The following ADAM28 variants were observed in gnomAD, a reference collection of about 807,000 sequenced individuals.
The protein encoded by ADAM28 is disintegrin and metalloproteinase domain-containing protein 28.
A neutral mutation model predicts 101.2 loss-of-function variants in ADAM28; 105 were observed. The observed-to-expected ratio is 1.04, with a 90% CI of 0.89 to 1.22. The LOEUF is 1.22. ADAM28 is among the 50% of genes most tolerant of loss of function. The probability of loss-of-function intolerance (pLI) is 0.00; values close to 1 mark genes in which losing one functional copy is unlikely to be tolerated. For synonymous variants in ADAM28, 322 were observed against 310.6 expected (o/e 1.04, Z -0.39); for missense variants, 1,028 against 945.4 (o/e 1.09, Z -1.15).
intron 7 of ADAM28, 128 bp from the exon 8 acceptor site, chr8:24,321,090 T>G (rs1409486305): frequency 5.0e-6 from 3 of 601,316 alleles, no homozygotes; most frequent in Non-Finnish European, 8.7e-6. Context: ...TTCTAACTTT[T>G]AATTAAATCT....
chr8:24,348,225 ATAAACT>A (rs1343920102), intron 18 of ADAM28, among the ~76,000 whole-genome samples: 1 of 152,192 alleles, frequency 6.6e-6, no homozygotes, highest in African/African-American at 2.4e-5. Flanking sequence ...TTTTAAAAAA[ATAAACT>A]TAACTTACTT....
intron 15 of ADAM28, chr8:24,341,307 A>G: frequency 3.5e-6 from 1 of 282,528 alleles, no homozygotes. Context: ...ATTTAAGGCC[A>G]CCTTCTAGAA....
chr8:24,343,179 G>A lies in ADAM28; in HGVS notation c.1909G>A (p.Ala637Thr). 1.2e-6 allele frequency: 2 copies of A among 1,613,618 alleles called. No individual in the cohort carries two copies. Among genetic ancestry groups the A allele is most frequent in the African/African-American group, 1.3e-5 (1 of 75,020 alleles). The change falls in exon 17 of 23, where the codon GCT becomes ACT. Residue 637 changes from alanine (A) to threonine (T), a missense_variant and splice_region_variant. Transcript: ENST00000265769. ...TNCSSKCKGHAVCDHELQCQC... is the reference protein window; with the variant it reads ...TNCSSKCKGHTVCDHELQCQC... Reference sequence around the variant, plus strand: ...TTGCTCATCTAAGTGCAAAGGACATGCTGTAAGTTCTGAAAATATGTTTCC... The same window carrying A: ...TTGCTCATCTAAGTGCAAAGGACATACTGTAAGTTCTGAAAATATGTTTCC...
At chr8:24,342,178 A>G (rs1814862009) in intron 16 of ADAM28, among the ~76,000 whole-genome samples, 1 of 152,170 alleles carries the variant, frequency 6.6e-6, no homozygotes, top group Admixed American at 6.5e-5. Flanking sequence ...GAACTTAAAT[A>G]CGAGTACTGT....
chr8:24,306,156 G>T (rs111314007), intron 2 of ADAM28, among the ~76,000 whole-genome samples: 4,709 of 151,338 alleles, frequency 0.031, 238 homozygotes, highest in African/African-American at 0.11. Flanking sequence ...GACCAACATG[G>T]TGAAACCCTG....
In ADAM28 at chr8:24,341,593, C is replaced by T. The variant is rs746145215; in HGVS notation, c.1671-5C>T. 1.9e-6 allele frequency: 3 copies of T among 1,607,674 alleles called. No homozygotes were observed. Among genetic ancestry groups the T allele is most frequent in the Admixed American group, 1.7e-5 (1 of 59,152 alleles). On this transcript the variant is annotated splice_region_variant and splice_polypyrimidine_tract_variant and intron_variant, in intron 15 of 22. Transcript: ENST00000265769. The stretch of plus-strand genomic sequence containing the variant: ...TCCTGCAATACATTTTGGCTTTTTC[C>T]TCAGTGATACCATGTGTGGGAAGTT...
At chr8:24,341,146 G>C (rs1275157364) in intron 15 of ADAM28, 3 of 153,170 alleles carry the variant, frequency 2.0e-5, no homozygotes, top group African/African-American at 7.2e-5. Context: ...ATGCCTCCAT[G>C]ATGTTAGGAA....
At chr8:24,335,909 T>C in intron 14 of ADAM28, 1 of 1,137,516 alleles carries the variant, frequency 8.8e-7, no homozygotes, top group Non-Finnish European at 1.1e-6. Context: ...GTATATCCCA[T>C]GCAATATTTG....
intron 5 of ADAM28, among the ~76,000 whole-genome samples, chr8:24,313,157 C>A (rs1007622906): frequency 6.6e-6 from 1 of 152,160 alleles, no homozygotes; most frequent in Non-Finnish European, 1.5e-5. Context: ...GCTTGTACAA[C>A]ACTGCAGCAG....
intron 17 of ADAM28, 124 bp from the exon 18 acceptor site, chr8:24,343,382 A>G: frequency 9.1e-7 from 1 of 1,096,350 alleles, no homozygotes; most frequent in Non-Finnish European, 1.3e-6. Context: ...TACTTTTTGT[A>G]GATAGATGGA....
intron 10 of ADAM28, among the ~76,000 whole-genome samples, chr8:24,329,066 G>A (rs1813005254): frequency 6.6e-6 from 1 of 151,996 alleles, no homozygotes; most frequent in Non-Finnish European, 1.5e-5. Context: ...ACTTCATATA[G>A]GCCTCTAAAC....
chr8:24,315,121 CAAAAGA>C (rs1810994199), intron 6 of ADAM28, among the ~76,000 whole-genome samples: 7 of 151,766 alleles, frequency 4.6e-5, no homozygotes, highest in African/African-American at 1.7e-4. Flanking sequence ...ATTTTCCAAT[CAAAAGA>C]TAAAGAGTGG....
intron 16 of ADAM28, 163 bp from the exon 17 acceptor site, chr8:24,342,938 A>G: frequency 7.5e-7 from 1 of 1,325,296 alleles, no homozygotes; most frequent in Non-Finnish European, 1.0e-6. Flanking sequence ...TTTAACTAAG[A>G]GGATAATGTA....
Position 24,354,567 on chromosome 8 carries a change from T to C in ADAM28, c.*163T>C. On this transcript the variant is annotated 3_prime_UTR_variant, in exon 23 of 23. Transcript: ENST00000265769. ...AGACTTTGAAGAGACTAAAGAAAATTTTCAAGAGGAACATATGCCTGAGAA... is the reference window on the plus strand; with the variant it reads ...AGACTTTGAAGAGACTAAAGAAAATCTTCAAGAGGAACATATGCCTGAGAA... The C allele has an allele frequency of 1.4e-6, 1 of 729,398 alleles. No homozygotes were observed. The highest frequency in any genetic ancestry group is 2.1e-6 in the Non-Finnish European group (1 of 478,952). The allele number at this position is 729,398 out of a possible 1,614,324, so 45.2% of individuals were successfully genotyped here.
intron 14 of ADAM28, among the ~76,000 whole-genome samples, chr8:24,337,334 A>T (rs553972872): frequency 6.6e-6 from 1 of 152,350 alleles, no homozygotes; most frequent in South Asian, 2.1e-4. Context: ...GGAGAAAGAA[A>T]ATCTTTAGCA....
At chr8:24,335,390 A>G in intron 13 of ADAM28, 56 bp from the exon 14 acceptor site, 3 of 1,504,834 alleles carry the variant, frequency 2.0e-6, no homozygotes, top group Non-Finnish European at 1.8e-6. Flanking sequence ...AATTTGAGGT[A>G]TTAGGGTAAA....
At chr8:24,312,759 G>A (rs1810641796) in intron 5 of ADAM28, among the ~76,000 whole-genome samples, 2 of 152,086 alleles carry the variant, frequency 1.3e-5, no homozygotes, top group South Asian at 4.1e-4. Context: ...TCTACCCTTA[G>A]TCCAATGCCT....
chr8:24,318,465 A>G (rs547429027), intron 6 of ADAM28, among the ~76,000 whole-genome samples: 8 of 151,976 alleles, frequency 5.3e-5, no homozygotes, highest in South Asian at 2.1e-4. Flanking sequence ...TTTAAATAGG[A>G]ACTGTGCACT....
chr8:24,343,047 T>G (rs1479988110), intron 16 of ADAM28, 54 bp from the exon 17 acceptor site: 2 of 1,611,394 alleles, frequency 1.2e-6, no homozygotes, highest in African/African-American at 2.7e-5. Context: ...GACCTCAACT[T>G]TCTCATCTAC....
Sources: gnomAD v4.1 joint callset for allele counts (sites outside exome capture counted in the v4.1 genomes callset) on GRCh38, gnomAD v4.1.1 for gene constraint, MANE v1.5 for transcripts, NCBI Gene and HGNC (gene_info 2026-07-23, HGNC 2026-07-21) for gene names.